ENTREP2: variants seen among roughly 807,000 people sequenced by gnomAD.
ENTREP2 encodes protein ENTREP2.
chr15:29,406,282 T>C, the ENTREP2 span, among the ~76,000 whole-genome samples: 1 of 152,150 alleles, frequency 6.6e-6, no homozygotes, highest in African/African-American at 2.4e-5. Flanking sequence ...AAGATAAACA[T>C]AAGCCTGTAA....
the ENTREP2 span, among the ~76,000 whole-genome samples, chr15:29,607,577 A>G: frequency 1.3e-5 from 2 of 152,158 alleles, no homozygotes; most frequent in Non-Finnish European, 2.9e-5. Context: ...TTTCTGAAAT[A>G]GATCAAACAG....
the ENTREP2 span, among the ~76,000 whole-genome samples, chr15:29,247,988 C>A: frequency 6.6e-6 from 1 of 152,204 alleles, no homozygotes. Flanking sequence ...TTAGAACCAG[C>A]CAGTTTTCAA....
chr15:29,640,649 C>T, the ENTREP2 span, among the ~76,000 whole-genome samples: 3 of 149,636 alleles, frequency 2.0e-5, no homozygotes, highest in Admixed American at 6.6e-5. Context: ...GGGCCTGTCT[C>T]AAACAAAACA....
the ENTREP2 span, among the ~76,000 whole-genome samples, chr15:29,282,357 C>G: frequency 3.9e-5 from 6 of 152,298 alleles, no homozygotes; most frequent in Admixed American, 3.9e-4. Context: ...TGGGGCCTCC[C>G]CAGCCACGTG....
At chr15:29,327,366 G>A in the ENTREP2 span, among the ~76,000 whole-genome samples, 10 of 152,238 alleles carry the variant, frequency 6.6e-5, no homozygotes, top group Admixed American at 1.3e-4. Flanking sequence ...AGGCCGAGGT[G>A]GGAGGATCAC....
the ENTREP2 span, among the ~76,000 whole-genome samples, chr15:29,476,591 A>G: frequency 2.0e-5 from 3 of 152,188 alleles, no homozygotes; most frequent in Non-Finnish European, 4.4e-5. Context: ...TGCGTCCCCA[A>G]TACCCCACCT....
At chr15:29,539,917 C>A in the ENTREP2 span, among the ~76,000 whole-genome samples, 1 of 152,154 alleles carries the variant, frequency 6.6e-6, no homozygotes, top group Non-Finnish European at 1.5e-5. Context: ...AGGACGCCCA[C>A]CTAGCTGCAA....
the ENTREP2 span, among the ~76,000 whole-genome samples, chr15:29,656,287 A>G: frequency 1.3e-5 from 2 of 151,688 alleles, no homozygotes; most frequent in African/African-American, 4.8e-5. Flanking sequence ...GTGCAGTAGC[A>G]CGATTTCAGC....
the ENTREP2 span, among the ~76,000 whole-genome samples, chr15:29,342,778 C>T: frequency 6.6e-6 from 1 of 152,124 alleles, no homozygotes; most frequent in Non-Finnish European, 1.5e-5. Flanking sequence ...TCTGTGAGCT[C>T]TCTGACCCCG....
the ENTREP2 span, among the ~76,000 whole-genome samples, chr15:29,279,414 G>A: frequency 1.3e-5 from 2 of 151,770 alleles, no homozygotes; most frequent in African/African-American, 2.4e-5. Flanking sequence ...CACCAGGCTG[G>A]TGTGCAGTGG....
At chr15:29,231,891 TTTC>T in the ENTREP2 span, among the ~76,000 whole-genome samples, 59 of 133,288 alleles carry the variant, frequency 4.4e-4, no homozygotes, top group South Asian at 3.7e-3. Context: ...TTTTCTTTTC[TTTC>T]TTTTTTTTTT....
At chr15:29,175,401 T>C in the ENTREP2 span, among the ~76,000 whole-genome samples, 32 of 152,358 alleles carry the variant, frequency 2.1e-4, 1 homozygote, top group South Asian at 6.6e-3. Context: ...GAGTGTCTGA[T>C]CGGATTGAAA....
At chr15:29,329,662 T>C in the ENTREP2 span, among the ~76,000 whole-genome samples, 2 of 152,064 alleles carry the variant, frequency 1.3e-5, no homozygotes, top group Admixed American at 6.5e-5. Context: ...GCAGGAAACA[T>C]ACAAAATGAG....
At chr15:29,607,871 G>C in the ENTREP2 span, among the ~76,000 whole-genome samples, 1 of 152,026 alleles carries the variant, frequency 6.6e-6, no homozygotes, top group Non-Finnish European at 1.5e-5. Context: ...GATAGACAGA[G>C]AAAGGGGAGT....
chr15:29,596,623 G>T, the ENTREP2 span, among the ~76,000 whole-genome samples: 1 of 151,804 alleles, frequency 6.6e-6, no homozygotes, highest in Non-Finnish European at 1.5e-5. Flanking sequence ...TCCTTTTGTC[G>T]CATTCTGCCT....
the ENTREP2 span, among the ~76,000 whole-genome samples, chr15:29,356,309 T>A: frequency 2.7e-4 from 29 of 105,848 alleles, no homozygotes; most frequent in African/African-American, 9.9e-4. Context: ...TTTTTTTTTT[T>A]TTTTTTTTTT....
chr15:29,208,205 C>G, the ENTREP2 span, among the ~76,000 whole-genome samples: 1 of 146,178 alleles, frequency 6.8e-6, no homozygotes, highest in Admixed American at 7.0e-5. Context: ...ACTCAACACA[C>G]TGTTCTGGGC....
chr15:29,247,738 TA>T, the ENTREP2 span, among the ~76,000 whole-genome samples: 2 of 150,810 alleles, frequency 1.3e-5, no homozygotes, highest in Non-Finnish European at 3.0e-5. Flanking sequence ...GGTATGTCTG[TA>T]AAAAAAAAGT....
At chr15:29,674,712 C>A in the ENTREP2 span, among the ~76,000 whole-genome samples, 2 of 100,104 alleles carry the variant, frequency 2.0e-5, no homozygotes, top group South Asian at 7.2e-4. Flanking sequence ...GCCGGGGGGG[C>A]GGAGGGAAGG....
Sources: allele counts gnomAD v4.1 joint callset (sites outside exome capture counted in the v4.1 genomes callset), GRCh38; gene constraint gnomAD v4.1.1; transcripts MANE v1.5; gene names NCBI Gene and HGNC (gene_info 2026-07-23, HGNC 2026-07-21).